Variants in ACP7 observed in about 807,000 individuals in gnomAD.
ACP7 encodes the protein acid phosphatase type 7.
ACP7 carries 58 observed loss-of-function variants against 60.6 expected under a neutral mutation model. That is an observed-to-expected ratio of 0.96 (90% CI 0.77 to 1.19). The LOEUF (loss-of-function observed/expected upper bound fraction) is 1.19, where lower values mean the gene tolerates loss of function less well. ACP7 is among the 50% of genes most tolerant of loss of function. ACP7 has a pLI of 0.00. For synonymous variants in ACP7, 237 were observed against 232.6 expected, an observed-to-expected ratio of 1.02 and a Z score of -0.17; for missense variants, 574 against 596.2, an observed-to-expected ratio of 0.96 and a Z score of 0.39.
Position 39,101,375 on chromosome 19 carries a change from G to A in ACP7, c.1041+20G>A, listed in dbSNP as rs367684699. On this transcript the variant is annotated intron_variant, in intron 10 of 12. Transcript: ENST00000331256. ...TACCAGGTGAGGCACGTGAAGGGCT[G>A]AGCGCCCACACAGCTGGGGTCAGGG... The A allele has an allele frequency of 4.0e-5, 65 of 1,614,028 alleles. No homozygotes were observed. The highest frequency in any genetic ancestry group is 5.3e-5 in the Non-Finnish European group (63 of 1,180,000).
intron 11 of ACP7, among the ~76,000 whole-genome samples, chr19:39,104,335 T>C (rs2073389335): frequency 6.6e-6 from 1 of 151,022 alleles, no homozygotes; most frequent in East Asian, 1.9e-4. Flanking sequence ...AGATCGTGGG[T>C]CATGCCCTAG....
At chr19:39,085,465 A>G (rs1298672891) in intron 2 of ACP7, 75 bp downstream of exon 2, 9 of 1,510,494 alleles carry the variant, frequency 6.0e-6, no homozygotes, top group Middle Eastern at 1.8e-4. Context: ...GGGCTCAGGA[A>G]TCCCACACTG....
rs1381235718 is a variant in ACP7, at chr19:39,098,958, A to T, written c.323-2A>T. 6.2e-7 allele frequency: 1 copy of T among 1,606,142 alleles called. No individual in the cohort carries two copies. The highest frequency in any genetic ancestry group is 1.7e-5 in the Admixed American group (1 of 59,634). On this transcript the variant is annotated splice_acceptor_variant, in intron 3 of 12. Coordinates refer to ENST00000331256, the MANE Select transcript of ACP7 (RefSeq NM_001004318.3). LOFTEE classifies it high-confidence loss of function. Reference sequence around the variant, plus strand: ...ACTGCGACCTTTTCCTCTCCCATTCAGTTTATCGCTGTGGCAGTGCGCAGG... The same window carrying T: ...ACTGCGACCTTTTCCTCTCCCATTCTGTTTATCGCTGTGGCAGTGCGCAGG...
chr19:39,109,685 T>TAAAAAAAA (rs34682645), intron 12 of ACP7, among the ~76,000 whole-genome samples: 4 of 65,506 alleles, frequency 6.1e-5, no homozygotes, highest in African/African-American at 2.9e-4. Context: ...AGACTCTGTC[T>TAAAAAAAA]AAAAAAAAAA....
intron 11 of ACP7, 29 bp from the exon 12 acceptor site, chr19:39,106,918 C>T (rs1255520133): frequency 6.2e-7 from 1 of 1,612,048 alleles, no homozygotes; most frequent in Admixed American, 1.7e-5. Context: ...TCCACCTGCT[C>T]TGGGTCTGAT....
At position 39,100,222 on chromosome 19, in the gene ACP7, C is replaced by T. The variant is rs963086059; in HGVS notation, c.506-5C>T. 3.1e-6 allele frequency: 5 copies of T among 1,613,750 alleles called. No homozygotes were observed. The African/African-American group carries it at 6.7e-5, about 22-fold the overall frequency. ...TCCTCACCCTCCTTCCGCCCCCTCC[C>T]CCAGGAGACTTTGCCTACAACCTGG... On this transcript the variant is annotated splice_region_variant and splice_polypyrimidine_tract_variant and intron_variant, in intron 4 of 12. Coordinates refer to ENST00000331256, the MANE Select transcript of ACP7 (RefSeq NM_001004318.3).
intron 11 of ACP7, among the ~76,000 whole-genome samples, chr19:39,102,417 C>T (rs2073357818): frequency 6.6e-6 from 1 of 150,644 alleles, no homozygotes; most frequent in South Asian, 2.1e-4. Context: ...TGCTCTGTTG[C>T]CCAGGCTGGA....
At chr19:39,091,640 C>T (rs115540885) in intron 2 of ACP7, among the ~76,000 whole-genome samples, 1,611 of 152,154 alleles carry the variant, frequency 0.011, 30 homozygotes, top group African/African-American at 0.036. Flanking sequence ...AATTAATTAC[C>T]TGGTTGGCCA....
chr19:39,083,801 A>G (rs1470096656), upstream of ACP7: 1 of 152,226 alleles, frequency 6.6e-6, no homozygotes, highest in Non-Finnish European at 1.5e-5. Context: ...GAGGTTGAAT[A>G]ACTCACCTAG....
At chr19:39,094,129 A>C (rs2073240178) in intron 2 of ACP7, among the ~76,000 whole-genome samples, 1 of 152,164 alleles carries the variant, frequency 6.6e-6, no homozygotes, top group African/African-American at 2.4e-5. Flanking sequence ...ACGTTTAAGA[A>C]TTTGAAGCTA....
In ACP7 at chr19:39,093,172, C is replaced by CCTTCCTTCCTTCCTTCCTTCCTTCCT. The variant is rs1555767303; in HGVS notation, c.122-5286_122-5285insCTTCCTTCCTTCCTTCCTTCCTTCCT. Among the ~76,000 whole-genome samples, 40 of 80,846 alleles carry CCTTCCTTCCTTCCTTCCTTCCTTCCT rather than the reference C, an allele frequency of 4.9e-4. 1 individual carries two copies. Among genetic ancestry groups the CCTTCCTTCCTTCCTTCCTTCCTTCCT allele is most frequent in the Admixed American group, 7.3e-4 (6 of 8,228 alleles). 53.0% of individuals were successfully genotyped at this position (80,846 alleles called of 152,430 possible). ...TCTTTCTTTCTCTTTCTTTCTTTCTCTCCTTCCTTCCTTCCTTCTTTCTTT... is the reference window on the plus strand; with the variant it reads ...TCTTTCTTTCTCTTTCTTTCTTTCTCCTTCCTTCCTTCCTTCCTTCCTTCCTTCCTTCCTTCCTTCCTTCTTTCTTT... On this transcript the variant is annotated intron_variant, in intron 2 of 12. Transcript: ENST00000331256.
intron 11 of ACP7, among the ~76,000 whole-genome samples, chr19:39,104,616 G>C (rs1174505160): frequency 2.0e-5 from 3 of 152,184 alleles, no homozygotes; most frequent in African/African-American, 7.2e-5. Flanking sequence ...GGGCGCGGTG[G>C]CTTACGCCTG....
rs1319326763 is a variant in ACP7, at chr19:39,100,273, T to C, written c.552T>C (p.Asp184=). The C allele has an allele frequency of 6.2e-7, 1 of 1,614,046 alleles. No homozygotes were observed. The highest frequency in any genetic ancestry group is 1.3e-5 in the African/African-American group (1 of 75,000). ...ATCAGGACAACGCCCGTGTTGGGGATAGGTTCATGCGGCTCATTGAACCCG... is the reference window on the plus strand; with the variant it reads ...ATCAGGACAACGCCCGTGTTGGGGACAGGTTCATGCGGCTCATTGAACCCG... The part of the protein sequence containing the change: ...NLDQDNARVG[D]RFMRLIEPVA... The change falls in exon 5 of 13, where the codon GAT becomes GAC. Residue 184 remains aspartate, a synonymous_variant. Transcript: ENST00000331256.
chr19:39,099,363 G>A (rs1473694128), intron 4 of ACP7, among the ~76,000 whole-genome samples: 1 of 152,204 alleles, frequency 6.6e-6, no homozygotes, highest in Non-Finnish European at 1.5e-5. Flanking sequence ...CAACTCTGGC[G>A]CTCTTGCCAG....
chr19:39,097,252 G>T (rs752666696), intron 2 of ACP7, among the ~76,000 whole-genome samples: 1 of 152,084 alleles, frequency 6.6e-6, no homozygotes, highest in Non-Finnish European at 1.5e-5. Flanking sequence ...GTCTCCCACT[G>T]GTCCCTCCCA....
intron 12 of ACP7, among the ~76,000 whole-genome samples, chr19:39,108,727 A>G (rs1223195852): frequency 6.6e-6 from 1 of 152,120 alleles, no homozygotes; most frequent in East Asian, 1.9e-4. Flanking sequence ...TATTTTTGCC[A>G]TTGTAGTTTT....
At position 39,106,522 on chromosome 19, in the gene ACP7, C is replaced by CTTTTTG. The variant is rs1400711584; in HGVS notation, c.1114-409_1114-404dup. On this transcript the variant is annotated intron_variant, in intron 11 of 12. Coordinates refer to ENST00000331256, the MANE Select transcript of ACP7 (RefSeq NM_001004318.3). ...ATTGTGAGTATTATTGTGGCCAAGT[C>CTTTTTG]TTTTTGTTTTTGTTTTTGTTTGAGA... Among the ~76,000 whole-genome samples the CTTTTTG allele has an allele frequency of 1.4e-4, 22 of 152,156 alleles. No homozygotes were observed. In the East Asian group the frequency reaches 3.3e-3, roughly 23 times the overall value.
chr19:39,085,267 A>C lies in ACP7; in HGVS notation c.-3A>C. 6.2e-7 allele frequency: 1 copy of C among 1,610,418 alleles called. No homozygotes were observed. Among genetic ancestry groups the C allele is most frequent in the Non-Finnish European group, 8.5e-7 (1 of 1,178,400 alleles). ...CCCGGTCTGCCATCACCACCCCACC[A>C]CCATGCACCCCCTTCCTGGCTACTG... On this transcript the variant is annotated 5_prime_UTR_variant, in exon 2 of 13. Coordinates refer to ENST00000331256, the MANE Select transcript of ACP7 (RefSeq NM_001004318.3).
chr19:39,091,287 C>T (rs370415213), intron 2 of ACP7, among the ~76,000 whole-genome samples: 3 of 152,068 alleles, frequency 2.0e-5, no homozygotes, highest in East Asian at 3.9e-4. Context: ...CTCAGCCTCC[C>T]AAGTAGCTGG....
Sources: allele counts gnomAD v4.1 joint callset (sites outside exome capture counted in the v4.1 genomes callset), GRCh38; gene constraint gnomAD v4.1.1; transcripts MANE v1.5; gene names NCBI Gene and HGNC (gene_info 2026-07-23, HGNC 2026-07-21).